CAMK1D: variants seen among roughly 807,000 people sequenced by gnomAD.
CAMK1D encodes calcium/calmodulin dependent protein kinase ID, also known as calcium/calmodulin-dependent protein kinase type 1D.
A neutral mutation model predicts 47.7 loss-of-function variants in CAMK1D; 9 were observed. That is an observed-to-expected ratio of 0.19 (90% confidence interval 0.11 to 0.33). The LOEUF (loss-of-function observed/expected upper bound fraction) is 0.33, where lower values mean the gene tolerates loss of function less well. CAMK1D is among the 10% of genes least tolerant of loss of function. The pLI is 1.00. For missense variants in CAMK1D, 291 were observed against 488.7 expected (o/e 0.60, Z 3.81); for synonymous variants, 184 against 184.9 (o/e 0.99, Z 0.04).
intron 6 of CAMK1D, among the ~76,000 whole-genome samples, chr10:12,812,953 A>G (rs1335935795): frequency 6.6e-6 from 1 of 152,230 alleles, no homozygotes; most frequent in Non-Finnish European, 1.5e-5. Flanking sequence ...TTTTGGTCCA[A>G]AAAAATGCAT....
chr10:12,831,195 C>G lies in CAMK1D; in HGVS notation c.*2308C>G, dbSNP rs1206801672. The G allele has an allele frequency of 6.6e-6, 1 of 152,204 alleles. No homozygotes were observed. Among genetic ancestry groups the G allele is most frequent in the African/African-American group, 2.4e-5 (1 of 41,452 alleles). 9.4% of individuals were successfully genotyped at this position (152,204 alleles called of 1,614,324 possible). ...AACCCTGGAAAGGTCTATAAGATGA[C>G]ATTAGACCCAGTTAAGAAGCAAGTG... On this transcript the variant is annotated 3_prime_UTR_variant, in exon 11 of 11. Coordinates refer to ENST00000619168, the MANE Select transcript of CAMK1D (RefSeq NM_153498.4).
intron 2 of CAMK1D, among the ~76,000 whole-genome samples, chr10:12,555,426 G>T (rs1836729427): frequency 6.6e-6 from 1 of 152,236 alleles, no homozygotes; most frequent in Non-Finnish European, 1.5e-5. Context: ...TTGTTTGGTA[G>T]TTTGGTCGTT....
At chr10:12,369,091 A>G (rs1837935041) in intron 1 of CAMK1D, among the ~76,000 whole-genome samples, 1 of 152,158 alleles carries the variant, frequency 6.6e-6, no homozygotes, top group African/African-American at 2.4e-5. Context: ...CTGGGATTAC[A>G]GGTGTGAGCC....
chr10:12,691,714 G>T (rs987622087), intron 3 of CAMK1D, among the ~76,000 whole-genome samples: 3 of 151,796 alleles, frequency 2.0e-5, no homozygotes, highest in Non-Finnish European at 4.4e-5. Flanking sequence ...GCCTCCCAAC[G>T]TGCTGGGATT....
At chr10:12,758,977 G>A (rs766060970) in intron 3 of CAMK1D, among the ~76,000 whole-genome samples, 2 of 152,188 alleles carry the variant, frequency 1.3e-5, no homozygotes, top group Admixed American at 6.5e-5. Context: ...AAGCTGCCTC[G>A]ATTGCATCCC....
chr10:12,416,675 G>A (rs950385620), intron 1 of CAMK1D, among the ~76,000 whole-genome samples: 11 of 152,196 alleles, frequency 7.2e-5, no homozygotes, highest in African/African-American at 2.7e-4. Context: ...GCACCGGAGG[G>A]AGGGCTCTGA....
At chr10:12,693,936 T>C (rs1833040691) in intron 3 of CAMK1D, among the ~76,000 whole-genome samples, 1 of 90,582 alleles carries the variant, frequency 1.1e-5, no homozygotes, top group African/African-American at 4.4e-5. Context: ...ATATAACATA[T>C]ATAAAATATA....
At chr10:12,371,598 A>C (rs568034691) in intron 1 of CAMK1D, among the ~76,000 whole-genome samples, 519 of 144,918 alleles carry the variant, frequency 3.6e-3, no homozygotes, top group African/African-American at 0.012. Context: ...CCAAAAAAAA[A>C]CAAAAAAAAA....
intron 2 of CAMK1D, among the ~76,000 whole-genome samples, chr10:12,630,676 C>G (rs1433861353): frequency 6.6e-6 from 1 of 152,162 alleles, no homozygotes; most frequent in Non-Finnish European, 1.5e-5. Flanking sequence ...ACCTTGGCCT[C>G]TCCTCCCAAA....
chr10:12,783,590 A>G (rs879446004), intron 5 of CAMK1D, among the ~76,000 whole-genome samples: 2 of 152,106 alleles, frequency 1.3e-5, no homozygotes, highest in African/African-American at 2.4e-5. Context: ...ATGAAGATTG[A>G]TTACCACGAG....
At chr10:12,752,316 C>T (rs1314926974) in intron 3 of CAMK1D, among the ~76,000 whole-genome samples, 2 of 152,136 alleles carry the variant, frequency 1.3e-5, no homozygotes, top group African/African-American at 4.8e-5. Context: ...ATGCATGTGC[C>T]TACCCACACT....
At chr10:12,534,900 G>T (rs916059023) in intron 1 of CAMK1D, among the ~76,000 whole-genome samples, 2 of 152,110 alleles carry the variant, frequency 1.3e-5, no homozygotes, top group African/African-American at 4.8e-5. Flanking sequence ...CAGCCTGGAA[G>T]TGCCCATGTC....
intron 2 of CAMK1D, among the ~76,000 whole-genome samples, chr10:12,618,926 G>A (rs1264872277): frequency 1.3e-5 from 2 of 152,210 alleles, no homozygotes; most frequent in African/African-American, 2.4e-5. Flanking sequence ...GAGTGGCTAA[G>A]TAAATTGCCT....
At chr10:12,666,894 T>G (rs1213177067) in intron 3 of CAMK1D, 84 bp downstream of exon 3, 1 of 1,143,880 alleles carries the variant, frequency 8.7e-7, no homozygotes, top group African/African-American at 1.5e-5. Context: ...AAGAAGTGAT[T>G]GAAGTGGGCC....
chr10:12,405,503 T>TAAG (rs1209818904), intron 1 of CAMK1D, among the ~76,000 whole-genome samples: 11 of 152,210 alleles, frequency 7.2e-5, no homozygotes, highest in Non-Finnish European at 1.6e-4. Context: ...GTGTATTGAC[T>TAAG]CAATGCCCAC....
chr10:12,442,040 TA>T (rs1832797988), intron 1 of CAMK1D, among the ~76,000 whole-genome samples: 1 of 152,200 alleles, frequency 6.6e-6, no homozygotes, highest in South Asian at 2.1e-4. Flanking sequence ...TTTCAAGTTA[TA>T]AAAGACAATC....
chr10:12,450,936 T>C (rs1318912741), intron 1 of CAMK1D, among the ~76,000 whole-genome samples: 2 of 152,178 alleles, frequency 1.3e-5, no homozygotes, highest in Admixed American at 1.3e-4. Context: ...AACTGGCATG[T>C]CCTGCGCCTC....
chr10:12,434,711 A>G (rs978999563), intron 1 of CAMK1D, among the ~76,000 whole-genome samples: 1 of 152,224 alleles, frequency 6.6e-6, no homozygotes, highest in African/African-American at 2.4e-5. Flanking sequence ...TAATACTCTG[A>G]ACGGTGTGTA....
chr10:12,554,685 C>T (rs1056487045), intron 2 of CAMK1D, among the ~76,000 whole-genome samples: 104 of 150,806 alleles, frequency 6.9e-4, no homozygotes, highest in Middle Eastern at 3.4e-3. Context: ...TGTAGGCACA[C>T]GCTATTATGC....
Sources: gnomAD v4.1 joint callset for allele counts (sites outside exome capture counted in the v4.1 genomes callset) on GRCh38, gnomAD v4.1.1 for gene constraint, MANE v1.5 for transcripts, NCBI Gene and HGNC (gene_info 2026-07-23, HGNC 2026-07-21) for gene names.